DNAH5: variants seen among roughly 807,000 people sequenced by gnomAD.
The protein encoded by DNAH5 is axonemal beta dynein heavy chain 5.
DNAH5 carries 372 observed loss-of-function variants against 518.2 expected under a neutral mutation model. That is an observed-to-expected ratio of 0.72 (90% CI 0.66 to 0.78). The LOEUF (loss-of-function observed/expected upper bound fraction) is 0.78. DNAH5 is among the 30% of genes least tolerant of loss of function. The pLI is 0.00. For missense variants in DNAH5, 5,523 were observed against 5,687.0 expected, an observed-to-expected ratio of 0.97 and a Z score of 0.93; for synonymous variants, 2,039 against 2,025.9, an observed-to-expected ratio of 1.01 and a Z score of -0.17.
At position 13,770,770 on chromosome 5, in the gene DNAH5, T is replaced by C. The variant is rs1753228677; in HGVS notation, c.9584A>G (p.Glu3195Gly). The C allele has an allele frequency of 6.2e-7, 1 of 1,613,870 alleles. No individual in the cohort carries two copies. Among genetic ancestry groups the C allele is most frequent in the Admixed American group, 1.7e-5 (1 of 59,988 alleles). ...TTACCTGTTGGCCAGGGTCCGCACC[T>C]CCACATGCTTTTCTCCATATATGAA... The part of the protein sequence containing the change: ...YKFIYGEKHV[E>G]VRTLANRMNT... Residue 3195 changes from glutamate to glycine, a missense_variant, in exon 56 of 79, where the codon GAG (glutamate) becomes GGG (glycine). Glu to Gly is a moderately conservative substitution (Grantham distance 98). Around this residue, in one of 3 missense-constraint regions of DNAH5, gnomAD observed 5,121 missense variants for 5,223.3 expected, o/e 0.98. Coordinates refer to ENST00000265104, the MANE Select transcript of DNAH5 (RefSeq NM_001369.3).
At chr5:13,853,299 T>C (rs1461114458) in intron 30 of DNAH5, among the ~76,000 whole-genome samples, 2 of 152,002 alleles carry the variant, frequency 1.3e-5, no homozygotes, top group Non-Finnish European at 2.9e-5. Context: ...AGAGGAACAC[T>C]AACAAACAGG....
intron 74 of DNAH5, among the ~76,000 whole-genome samples, chr5:13,715,290 T>G (rs1449680074): frequency 2.0e-5 from 3 of 152,226 alleles, no homozygotes; most frequent in African/African-American, 7.2e-5. Flanking sequence ...TGAGTCATAC[T>G]CGTATTTCCC....
chr5:13,899,156 C>A (rs1221040056), intron 15 of DNAH5: 1 of 152,418 alleles, frequency 6.6e-6, no homozygotes, highest in Non-Finnish European at 1.5e-5. Flanking sequence ...GTCTCGAACT[C>A]CTGACCTCAG....
In DNAH5 at chr5:13,864,745, A is replaced by C. The variant is rs1218560570; in HGVS notation, c.4356-108T>G. ...TTAAAAACAGTCTCTTTGAATACTT[A>C]TCCTATTTTAAATCCCATGACTTGC... On this transcript the variant is annotated intron_variant, in intron 27 of 78. Coordinates refer to ENST00000265104, the MANE Select transcript of DNAH5 (RefSeq NM_001369.3). The C allele has an allele frequency of 3.3e-6, 4 of 1,223,068 alleles. No homozygotes were observed. In the African/African-American group the frequency reaches 4.5e-5, roughly 14 times the overall value. 75.8% of individuals were successfully genotyped at this position (1,223,068 alleles called of 1,614,324 possible).
chr5:13,751,405 G>A, intron 64 of DNAH5, 145 bp from the exon 65 acceptor site: 1 of 784,058 alleles, frequency 1.3e-6, no homozygotes, highest in Non-Finnish European at 2.0e-6. Context: ...TGAGGCGTCT[G>A]CACAGCTTCA....
rs1037646583 is a variant in DNAH5, at chr5:13,871,619, C to T, written c.3543G>A (p.Gln1181=). 21 of 1,613,776 alleles carry T rather than the reference C, an allele frequency of 1.3e-5. No homozygotes were observed. Among genetic ancestry groups the T allele is most frequent in the Non-Finnish European group, 1.8e-5 (21 of 1,179,778 alleles). Residue 1181 remains glutamine, a synonymous_variant, in exon 23 of 79, where the codon CAG becomes CAA. Transcript: ENST00000265104. ...CATATTCAGGCTCAGCATTAATTTC[C>T]TGCTCTAGGTTTTGGAAATAGAGAA... ...SQILYFQNLE[Q]EINAEPEYVC... is the part of the protein sequence containing the mutation.
chr5:13,830,675 G>C lies in DNAH5; in HGVS notation c.5983C>G (p.Arg1995Gly). 2 of 1,614,140 alleles carry C rather than the reference G, an allele frequency of 1.2e-6. No individual in the cohort carries two copies. The highest frequency in any genetic ancestry group is 1.7e-6 in the Non-Finnish European group (2 of 1,180,016). The change falls in exon 36 of 79, where the codon CGA (arginine) becomes GGA (glycine). Residue 1995 changes from arginine (R) to glycine (G), a missense_variant. By Grantham distance (125) the Arg-to-Gly change is moderately radical. Transcript: ENST00000265104. Reference protein sequence around the residue: ...GKTETTKDMGRCLGKYVVVFN... With the variant: ...GKTETTKDMGGCLGKYVVVFN... ...ACCACGACGTATTTCCCGAGGCATC[G>C]TCCCATGTCTTTAGTGGTTTCTGTT...
chr5:13,702,208 T>C (rs529632541), intron 76 of DNAH5, among the ~76,000 whole-genome samples: 1 of 152,360 alleles, frequency 6.6e-6, no homozygotes, highest in South Asian at 2.1e-4. Context: ...AACATTTTAC[T>C]GTAATTGCAA....
chr5:13,901,392 G>C lies in DNAH5; in HGVS notation c.1912C>G (p.Gln638Glu). 6.2e-7 allele frequency: 1 copy of C among 1,614,150 alleles called. No homozygotes were observed. The change falls in exon 14 of 79, where the codon CAG becomes GAG. Residue 638 changes from glutamine (Q) to glutamate (E), a missense_variant. Gln to Glu is a conservative substitution (Grantham distance 29, BLOSUM62 2). This residue lies in a region of DNAH5 where 5,121 missense variants were observed against 5,223.3 expected (regional missense o/e 0.98). Coordinates refer to ENST00000265104, the MANE Select transcript of DNAH5 (RefSeq NM_001369.3). ...TGCTGGAAAAGCTGCATGGGCTGCT[G>C]AATCCTATGGAAGAGCTGGCGGGCC... ...LWARQLFHRI[Q>E]QPMQLFQQHP...
chr5:13,885,901 G>A, intron 18 of DNAH5, 63 bp downstream of exon 18: 1 of 1,429,124 alleles, frequency 7.0e-7, no homozygotes, highest in Non-Finnish European at 9.8e-7. Context: ...TGTAGAAAAT[G>A]CAGTTTTAGT....
chr5:13,887,728 AT>A (rs2151945039), intron 17 of DNAH5, among the ~76,000 whole-genome samples: 1 of 152,108 alleles, frequency 6.6e-6, no homozygotes, highest in East Asian at 1.9e-4. Context: ...CACTTCAACC[AT>A]TGTTTTGCTA....
intron 1 of DNAH5, among the ~76,000 whole-genome samples, chr5:13,963,643 T>C (rs986569674): frequency 1.3e-5 from 2 of 152,104 alleles, no homozygotes; most frequent in African/African-American, 4.8e-5. Context: ...TAAGATAATG[T>C]CTGACAGGAT....
chr5:13,694,880 T>C (rs1025618912), intron 78 of DNAH5, among the ~76,000 whole-genome samples: 1 of 152,226 alleles, frequency 6.6e-6, no homozygotes, highest in Non-Finnish European at 1.5e-5. Flanking sequence ...ATATTTATTA[T>C]ATGCTTCCTA....
At chr5:13,752,485 C>T (rs1236359625) in intron 63 of DNAH5, among the ~76,000 whole-genome samples, 196 bp from the exon 64 acceptor site, 1 of 152,202 alleles carries the variant, frequency 6.6e-6, no homozygotes, top group Non-Finnish European at 1.5e-5. Context: ...CACCTGACCC[C>T]TATGCTTTCT....
chr5:13,778,032 A>G (rs912952345), intron 53 of DNAH5, among the ~76,000 whole-genome samples: 2 of 152,202 alleles, frequency 1.3e-5, no homozygotes, highest in African/African-American at 4.8e-5. Flanking sequence ...AAAAGTATAA[A>G]TAAAATTATC....
At chr5:13,980,622 T>C (rs1411327843) in intron 1 of DNAH5, among the ~76,000 whole-genome samples, 2 of 152,084 alleles carry the variant, frequency 1.3e-5, no homozygotes, top group Non-Finnish European at 2.9e-5. Flanking sequence ...CATCCACCAC[T>C]ACCACTCTGG....
intron 3 of DNAH5, 73 bp from the exon 4 acceptor site, chr5:13,923,513 T>G: frequency 6.4e-7 from 1 of 1,560,824 alleles, no homozygotes; most frequent in Non-Finnish European, 8.8e-7. Flanking sequence ...GAATGAAGTT[T>G]CCTTGTTAAA....
At chr5:13,938,357 A>C (rs1779142631) in intron 1 of DNAH5, among the ~76,000 whole-genome samples, 1 of 152,138 alleles carries the variant, frequency 6.6e-6, no homozygotes, top group Non-Finnish European at 1.5e-5. Context: ...GTCACCTCAC[A>C]TCCACACATG....
At chr5:13,908,199 T>C (rs1484355872) in intron 12 of DNAH5, among the ~76,000 whole-genome samples, 1 of 152,200 alleles carries the variant, frequency 6.6e-6, no homozygotes. Context: ...ATATGTATTT[T>C]TTAAGTGACA....
Sources: gnomAD v4.1 joint callset for allele counts (sites outside exome capture counted in the v4.1 genomes callset) on GRCh38, gnomAD v4.1.1 for gene constraint, gnomAD v4.1.1 regional missense constraint, MANE v1.5 for transcripts, NCBI Gene and HGNC (gene_info 2026-07-23, HGNC 2026-07-21) for gene names.